PCNX2: variants seen among roughly 807,000 people sequenced by gnomAD.
The protein encoded by PCNX2 is pecanex 2.
PCNX2 carries 168 observed loss-of-function variants against 223.8 expected under a neutral mutation model. That is an observed-to-expected ratio of 0.75 (90% confidence interval 0.66 to 0.85). The LOEUF is 0.85. PCNX2 is among the 40% of genes least tolerant of loss of function. The pLI, the probability that PCNX2 is intolerant of heterozygous loss-of-function variation, is 0.00. For missense variants in PCNX2, 2,507 were observed against 2,675.5 expected, an observed-to-expected ratio of 0.94 and a Z score of 1.39; for synonymous variants, 1,006 against 1,052.6, an observed-to-expected ratio of 0.96 and a Z score of 0.86.
rs1669691921 is a variant in PCNX2, at chr1:232,991,384, A to AAGGGAGAGAAGGCGTGAG, written c.5792-4862_5792-4845dup. Among the ~76,000 whole-genome samples the AAGGGAGAGAAGGCGTGAG allele has an allele frequency of 6.6e-6, 1 of 151,902 alleles. No homozygotes were observed. Among genetic ancestry groups the AAGGGAGAGAAGGCGTGAG allele is most frequent in the South Asian group, 2.1e-4 (1 of 4,816 alleles). The stretch of plus-strand genomic sequence containing the variant: ...TGGGCTCATAAGAGAGGGCTGAGAG[A>AAGGGAGAGAAGGCGTGAG]AGGGAGAGAAGGCGTGAGAGAGAGA... On this transcript the variant is annotated intron_variant, in intron 32 of 33. Transcript: ENST00000258229. The surrounding 1 kb of genome is among the most constrained non-coding windows in gnomAD (Gnocchi z 4.3).
intron 21 of PCNX2, among the ~76,000 whole-genome samples, chr1:233,120,643 A>G (rs1473809072): frequency 6.6e-6 from 1 of 152,200 alleles, no homozygotes; most frequent in Non-Finnish European, 1.5e-5. Flanking sequence ...TTGTGTGAAA[A>G]AGTCTTAGAA....
intron 15 of PCNX2, among the ~76,000 whole-genome samples, chr1:233,179,746 G>T (rs994551775): frequency 6.6e-6 from 1 of 152,210 alleles, no homozygotes; most frequent in African/African-American, 2.4e-5. Flanking sequence ...CTTTAGCCCA[G>T]TTAGTTGCTT....
At chr1:233,284,360 C>G (rs1039950641) in intron 1 of PCNX2, among the ~76,000 whole-genome samples, 2 of 152,136 alleles carry the variant, frequency 1.3e-5, no homozygotes, top group African/African-American at 4.8e-5. Flanking sequence ...CTCTCACACA[C>G]CTTACAGCTT....
intron 21 of PCNX2, among the ~76,000 whole-genome samples, chr1:233,123,582 CA>C (rs5781727): frequency 1.4e-3 from 191 of 137,076 alleles, no homozygotes; most frequent in African/African-American, 1.3e-3. Flanking sequence ...GACTCTGTCT[CA>C]AAAAAAAAAA....
intron 22 of PCNX2, among the ~76,000 whole-genome samples, chr1:233,092,421 C>T (rs1482869187): frequency 2.0e-5 from 3 of 152,170 alleles, no homozygotes; most frequent in African/African-American, 7.2e-5. Flanking sequence ...TTACACTGTA[C>T]ATTTTTTAAA....
intron 22 of PCNX2, among the ~76,000 whole-genome samples, chr1:233,090,849 T>A (rs1268622203): frequency 4.6e-5 from 7 of 152,192 alleles, no homozygotes; most frequent in Non-Finnish European, 1.5e-5. Flanking sequence ...CATGCATCAA[T>A]TTCACACACC....
intron 7 of PCNX2, 94 bp from the exon 8 acceptor site, chr1:233,250,926 A>G: frequency 7.4e-7 from 1 of 1,353,254 alleles, no homozygotes; most frequent in Non-Finnish European, 9.9e-7. Flanking sequence ...AAGGAAACTT[A>G]TTTTGGTCTG....
intron 21 of PCNX2, among the ~76,000 whole-genome samples, chr1:233,108,445 G>A (rs1241973162): frequency 6.6e-6 from 1 of 152,218 alleles, no homozygotes; most frequent in Non-Finnish European, 1.5e-5. Flanking sequence ...ACAGCTATGT[G>A]TGGGCTGGTG....
intron 13 of PCNX2, among the ~76,000 whole-genome samples, chr1:233,208,275 T>G (rs1432223688): frequency 6.6e-6 from 1 of 152,216 alleles, no homozygotes; most frequent in Admixed American, 6.5e-5. Context: ...GGCATTATTA[T>G]AATGGACATT....
At chr1:233,102,159 C>T (rs1424836037) in intron 21 of PCNX2, among the ~76,000 whole-genome samples, 1 of 147,538 alleles carries the variant, frequency 6.8e-6, no homozygotes, top group Non-Finnish European at 1.5e-5. Context: ...TGGTTTATCT[C>T]ACTTAACATA....
In PCNX2 at chr1:232,991,948, A is replaced by G. The variant is rs1367571042; in HGVS notation, c.5792-5408T>C. On this transcript the variant is annotated intron_variant, in intron 32 of 33. Coordinates refer to ENST00000258229, the MANE Select transcript of PCNX2 (RefSeq NM_014801.4). The surrounding 1 kb of genome is among the most constrained non-coding windows in gnomAD (Gnocchi z 4.3). ...CATTCTGAGCTGAAGCCATCATTCAACAGAAGAACAACGTGAACTGATTTA... is the reference window on the plus strand; with the variant it reads ...CATTCTGAGCTGAAGCCATCATTCAGCAGAAGAACAACGTGAACTGATTTA... 2.0e-5 allele frequency among the ~76,000 whole-genome samples: 3 copies of G among 152,210 alleles called. No individual in the cohort carries two copies. Among genetic ancestry groups the G allele is most frequent in the Non-Finnish European group, 4.4e-5 (3 of 68,044 alleles).
intron 8 of PCNX2, among the ~76,000 whole-genome samples, chr1:233,249,459 G>A (rs1017226219): frequency 7.2e-5 from 11 of 152,308 alleles, no homozygotes; most frequent in African/African-American, 2.4e-4. Context: ...CCATCATAAC[G>A]TCTAGAATGT....
rs116390104 is a variant in PCNX2 at position 233,067,245 on chromosome 1, C to A, written c.4077-9955G>T. ...AGACCTCAAAATGAATTTTAAAAGACAATAGATGCCAAAATTGAGATGATG... is the reference window on the plus strand; with the variant it reads ...AGACCTCAAAATGAATTTTAAAAGAAAATAGATGCCAAAATTGAGATGATG... On this transcript the variant is annotated intron_variant, in intron 23 of 33. Transcript: ENST00000258229. 2.7e-3 allele frequency among the ~76,000 whole-genome samples: 402 copies of A among 150,220 alleles called. 13 individuals carry two copies. The South Asian group carries it at 0.038, about 14-fold the overall frequency.
chr1:233,085,544 T>C (rs997472789), intron 23 of PCNX2, among the ~76,000 whole-genome samples: 1 of 152,170 alleles, frequency 6.6e-6, no homozygotes, highest in Non-Finnish European at 1.5e-5. Flanking sequence ...AATCTTACCA[T>C]ATATCTACCA....
At chr1:233,028,628 G>A (rs1671163518) in intron 25 of PCNX2, among the ~76,000 whole-genome samples, 1 of 152,082 alleles carries the variant, frequency 6.6e-6, no homozygotes, top group Non-Finnish European at 1.5e-5. Flanking sequence ...GGGTTCCTAA[G>A]ACTCTCCAGA....
At chr1:233,165,842 T>A (rs996226668) in intron 17 of PCNX2, among the ~76,000 whole-genome samples, 4 of 152,134 alleles carry the variant, frequency 2.6e-5, no homozygotes, top group Non-Finnish European at 5.9e-5. Context: ...CTAGCAGAAT[T>A]TTTTTTAGAA....
chr1:233,090,065 A>G lies in PCNX2; in HGVS notation c.4072T>C (p.Tyr1358His). The G allele has an allele frequency of 1.2e-6, 2 of 1,613,778 alleles. No homozygotes were observed. Among genetic ancestry groups the G allele is most frequent in the Non-Finnish European group, 1.7e-6 (2 of 1,179,834 alleles). Residue 1358 changes from tyrosine to histidine, a missense_variant, in exon 23 of 34, where the codon TAC (tyrosine) becomes CAC (histidine). Physicochemically the swap from Tyr to His is moderately conservative, Grantham distance 83. This residue lies in a region of PCNX2 where 1,372 missense variants were observed against 1,509.4 expected (regional missense o/e 0.91). Transcript: ENST00000258229. ...GCACTGATTTTAGGATCTTACTTGTAGTTTTTCTCCCAGAATTTCACTGGC... is the reference window on the plus strand; with the variant it reads ...GCACTGATTTTAGGATCTTACTTGTGGTTTTTCTCCCAGAATTTCACTGGC... The part of the protein sequence containing the change: ...VRPVKFWEKN[Y>H]NTRRVDNSNT...
intron 8 of PCNX2, chr1:233,241,472 G>T: frequency 1.3e-6 from 1 of 790,728 alleles, no homozygotes; most frequent in Non-Finnish European, 1.5e-6. Flanking sequence ...AAGAATGACA[G>T]TGAAAGGAGC....
intron 19 of PCNX2, among the ~76,000 whole-genome samples, chr1:233,159,112 G>C (rs1479359443): frequency 6.6e-6 from 1 of 152,174 alleles, no homozygotes; most frequent in East Asian, 1.9e-4. Context: ...TAGGTGGGAA[G>C]AGTAAGTCTC....
Sources: gnomAD v4.1 joint callset for allele counts (sites outside exome capture counted in the v4.1 genomes callset) on GRCh38, gnomAD v4.1.1 for gene constraint, gnomAD v4.1.1 regional missense constraint, Gnocchi (gnomAD v3.1) non-coding constraint, MANE v1.5 for transcripts, NCBI Gene and HGNC (gene_info 2026-07-23, HGNC 2026-07-21) for gene names.